KLF13: variants seen among roughly 807,000 people sequenced by gnomAD.
KLF13 encodes the protein Krueppel-like factor 13.
A neutral mutation model predicts 16.7 loss-of-function variants in KLF13; 8 were observed. The observed-to-expected ratio is 0.48, with a 90% CI of 0.28 to 0.87. The LOEUF is 0.87. Among genes scored for constraint, KLF13 ranks in the 40% least tolerant of loss-of-function variants. The probability of loss-of-function intolerance (pLI) is 0.10; values close to 1 mark genes in which losing one functional copy is unlikely to be tolerated. For missense variants in KLF13, 447 were observed against 452.2 expected (o/e 0.99, Z 0.10); for synonymous variants, 245 against 208.4 (o/e 1.18, Z -1.51).
intron 1 of KLF13, among the ~76,000 whole-genome samples, chr15:31,410,243 G>C (rs1282964667): frequency 6.6e-6 from 1 of 151,604 alleles, no homozygotes; most frequent in East Asian, 1.9e-4. Flanking sequence ...ATAAAGAAGA[G>C]TTATAAATAA....
At chr15:31,333,011 CAGTTTGTGCTTTCAGGA>C (rs550795465) in intron 1 of KLF13, among the ~76,000 whole-genome samples, 74 of 152,244 alleles carry the variant, frequency 4.9e-4, no homozygotes, top group Middle Eastern at 3.4e-3. Context: ...GAAGTGTGTT[CAGTTTGTGCTTTCAGGA>C]AGCAATTAAA....
intron 2 of KLF13, among the ~76,000 whole-genome samples, chr15:31,399,636 A>C (rs935698715): frequency 6.6e-6 from 1 of 152,210 alleles, no homozygotes; most frequent in African/African-American, 2.4e-5. Context: ...AACCTGCACT[A>C]ACCTCCGCCT....
chr15:31,349,979 C>G (rs2039190818), intron 1 of KLF13, among the ~76,000 whole-genome samples: 1 of 152,214 alleles, frequency 6.6e-6, no homozygotes, highest in African/African-American at 2.4e-5. Flanking sequence ...CTGAAGCTGC[C>G]AAGTCCTCAG....
At chr15:31,422,269 C>G (rs1193753242) in intron 1 of KLF13, among the ~76,000 whole-genome samples, 1 of 151,968 alleles carries the variant, frequency 6.6e-6, no homozygotes, top group African/African-American at 2.4e-5. Flanking sequence ...AAGAAATACC[C>G]AAGACTGGGT....
intron 1 of KLF13, among the ~76,000 whole-genome samples, chr15:31,415,810 A>G (rs2040247894): frequency 1.3e-5 from 2 of 152,062 alleles, no homozygotes; most frequent in African/African-American, 4.8e-5. Flanking sequence ...GAGAATAAAA[A>G]ACAATAGATG....
chr15:31,425,015 T>A (rs2040384424), intron 1 of KLF13, among the ~76,000 whole-genome samples: 1 of 151,704 alleles, frequency 6.6e-6, no homozygotes, highest in South Asian at 2.1e-4. Context: ...AAAAGAAAAT[T>A]AGGAAAACAT....
intron 1 of KLF13, among the ~76,000 whole-genome samples, chr15:31,416,534 A>C (rs1011422696): frequency 6.6e-6 from 1 of 152,184 alleles, no homozygotes; most frequent in African/African-American, 2.4e-5. Context: ...TAGATTAAAA[A>C]CCAAAAATTA....
intron 1 of KLF13, among the ~76,000 whole-genome samples, chr15:31,435,033 C>A (rs1022987086): frequency 5.9e-5 from 9 of 152,352 alleles, no homozygotes; most frequent in African/African-American, 2.2e-4. Flanking sequence ...GCCGTCGCAG[C>A]TCAGCCTCCT....
intron 1 of KLF13, among the ~76,000 whole-genome samples, chr15:31,360,271 G>T (rs1409464075): frequency 1.3e-5 from 2 of 152,240 alleles, no homozygotes; most frequent in Non-Finnish European, 2.9e-5. Flanking sequence ...CGGACATGCA[G>T]CGGGCAGGCC....
chr15:31,430,233 C>T (rs1018229666), intron 1 of KLF13, among the ~76,000 whole-genome samples: 12 of 151,998 alleles, frequency 7.9e-5, no homozygotes, highest in Non-Finnish European at 1.5e-4. Context: ...AAGATATTTG[C>T]AGTACATACA....
intron 1 of KLF13, among the ~76,000 whole-genome samples, chr15:31,365,812 G>A (rs1036819177): frequency 6.6e-6 from 1 of 152,140 alleles, no homozygotes; most frequent in Non-Finnish European, 1.5e-5. Flanking sequence ...GCTGCTGTGG[G>A]GGAGAGGGGA....
intron 2 of KLF13, among the ~76,000 whole-genome samples, chr15:31,402,141 C>G (rs2040046108): frequency 1.3e-5 from 2 of 152,206 alleles, no homozygotes; most frequent in African/African-American, 4.8e-5. Context: ...TCGAGGCTGT[C>G]AGGGGGCCCA....
chr15:31,340,040 C>T (rs1171299535), intron 1 of KLF13: 2 of 702,236 alleles, frequency 2.8e-6, no homozygotes, highest in East Asian at 2.7e-5. Context: ...AGGGCTGACC[C>T]AGGTTGCCCT....
intron 1 of KLF13, among the ~76,000 whole-genome samples, chr15:31,328,037 G>T (rs1307959819): frequency 2.7e-5 from 4 of 148,586 alleles, no homozygotes; most frequent in African/African-American, 4.9e-5. Context: ...CCCTCCCCGG[G>T]CGCGCTCGGG....
At chr15:31,379,925 G>A (rs4779521), downstream of KLF13, among the ~76,000 whole-genome samples, 72,812 of 152,046 alleles carry the variant, frequency 0.48, 17,642 homozygotes, top group East Asian at 0.58. Context: ...GTGAGGGGAA[G>A]CATCTGGTGG....
intron 1 of KLF13, among the ~76,000 whole-genome samples, chr15:31,339,705 C>T (rs2038989978): frequency 6.6e-6 from 1 of 152,260 alleles, no homozygotes; most frequent in Non-Finnish European, 1.5e-5. Flanking sequence ...GCCTGGCCCC[C>T]TCCCTGCAGG....
rs184612811 is a variant in KLF13, at chr15:31,419,896, T to G, written n.118-15474T>G. ...AATCAAACTATCAAGGACAGTTTGA[T>G]GTATCAGAAGTCAAGGATAAAGAGA... On this transcript the variant is annotated intron_variant and non_coding_transcript_variant, in intron 1 of 1. Coordinates refer to the KLF13 transcript ENST00000558225. Among the ~76,000 whole-genome samples, 173 of 152,258 alleles carry G rather than the reference T, an allele frequency of 1.1e-3. 1 individual carries two copies. The Middle Eastern group carries it at 0.02, about 18-fold the overall frequency.
downstream of KLF13, among the ~76,000 whole-genome samples, chr15:31,406,156 A>G (rs2040126511): frequency 6.6e-6 from 1 of 152,226 alleles, no homozygotes; most frequent in Admixed American, 6.5e-5. Flanking sequence ...GGCAGGTGAG[A>G]GATGCATAGC....
chr15:31,387,226 A>G (rs1476585747), intron 1 of KLF13, among the ~76,000 whole-genome samples: 1 of 152,206 alleles, frequency 6.6e-6, no homozygotes, highest in Non-Finnish European at 1.5e-5. Flanking sequence ...CATCACTAAA[A>G]GACTAGTCAA....
Sources: allele counts gnomAD v4.1 joint callset (sites outside exome capture counted in the v4.1 genomes callset), GRCh38; gene constraint gnomAD v4.1.1; transcripts MANE v1.5; gene names NCBI Gene and HGNC (gene_info 2026-07-23, HGNC 2026-07-21).